Variants in POLR1B observed in about 807,000 individuals in gnomAD.
POLR1B encodes RNA polymerase I subunit B.
Under a neutral mutation model 105.8 loss-of-function variants are expected in POLR1B, and 30 were observed. That is an observed-to-expected ratio of 0.28 (90% CI 0.21 to 0.38). The LOEUF (loss-of-function observed/expected upper bound fraction) is 0.38. Among genes scored for constraint, POLR1B ranks in the 10% least tolerant of loss-of-function variants. The probability of loss-of-function intolerance (pLI) is 1.00; values close to 1 mark genes in which losing one functional copy is unlikely to be tolerated. For synonymous variants in POLR1B, 485 were observed against 505.1 expected (o/e 0.96, Z 0.53); for missense variants, 976 against 1,435.8 (o/e 0.68, Z 5.17).
At chr2:112,549,044 C>T (rs1329905384) in intron 3 of POLR1B, among the ~76,000 whole-genome samples, 1 of 152,140 alleles carries the variant, frequency 6.6e-6, no homozygotes, top group East Asian at 1.9e-4. Context: ...TGTTTTTCTT[C>T]CATACTTTTT....
chr2:112,558,081 G>A lies in POLR1B; in HGVS notation c.1330G>A (p.Gly444Ser). Residue 444 changes from glycine (G) to serine (S), a missense_variant and splice_region_variant, in exon 8 of 15, where the codon GGT (glycine) becomes AGT (serine). By Grantham distance (56) the Gly-to-Ser change is moderately conservative (BLOSUM62 0). Coordinates refer to ENST00000263331, the MANE Select transcript of POLR1B (RefSeq NM_019014.6). ...TACTGGGAATCTGCGTTCTAAAACAGGTAAAATTAAATCGATCGTTTTAGT... is the reference window on the plus strand; with the variant it reads ...TACTGGGAATCTGCGTTCTAAAACAAGTAAAATTAAATCGATCGTTTTAGT... ...FATGNLRSKT[G>S]LGLLQDSGLC... is the part of the protein sequence containing the mutation. 1 of 1,328,630 alleles carries A rather than the reference G, an allele frequency of 7.5e-7. No homozygotes were observed. The highest frequency in any genetic ancestry group is 9.7e-7 in the Non-Finnish European group (1 of 1,028,548). 82.3% of individuals were successfully genotyped at this position (1,328,630 alleles called of 1,614,324 possible).
intron 1 of POLR1B, 148 bp from the exon 2 acceptor site, chr2:112,546,864 A>G: frequency 1.2e-6 from 1 of 807,492 alleles, no homozygotes. Flanking sequence ...CGCCCGGCCA[A>G]CTGGAGGTAG....
intron 4 of POLR1B, among the ~76,000 whole-genome samples, chr2:112,550,521 C>T (rs1003802480): frequency 3.9e-5 from 6 of 152,098 alleles, no homozygotes; most frequent in African/African-American, 1.4e-4. Flanking sequence ...TTCTACTTTT[C>T]TCCATTGGAA....
chr2:112,568,237 TACA>T (rs1042199938), intron 11 of POLR1B, 100 bp downstream of exon 11: 1 of 1,197,710 alleles, frequency 8.3e-7, no homozygotes, highest in Non-Finnish European at 1.2e-6. Context: ...TTGTTAATGT[TACA>T]ACAACAGTTG....
At chr2:112,556,277 T>C (rs1005691681) in intron 7 of POLR1B, among the ~76,000 whole-genome samples, 3 of 152,216 alleles carry the variant, frequency 2.0e-5, no homozygotes, top group Non-Finnish European at 2.9e-5. Flanking sequence ...AATACCCTTG[T>C]TGGGTGAGCT....
intron 1 of POLR1B, among the ~76,000 whole-genome samples, chr2:112,543,656 G>C (rs1392544290): frequency 6.6e-6 from 1 of 152,108 alleles, no homozygotes; most frequent in African/African-American, 2.4e-5. Context: ...TTGCCAGTCT[G>C]ATTCTTGAAC....
At chr2:112,543,800 T>C (rs1348084651) in intron 1 of POLR1B, among the ~76,000 whole-genome samples, 3 of 152,104 alleles carry the variant, frequency 2.0e-5, no homozygotes, top group African/African-American at 7.2e-5. Flanking sequence ...TAAAAGTTAA[T>C]CGGGCTGGGT....
intron 9 of POLR1B, among the ~76,000 whole-genome samples, chr2:112,561,482 AT>A (rs1683981992): frequency 6.6e-6 from 1 of 150,410 alleles, no homozygotes; most frequent in Non-Finnish European, 1.5e-5. Flanking sequence ...TTTTTACTTA[AT>A]TTCAGTTGAT....
chr2:112,555,528 T>C (rs1683615007), intron 7 of POLR1B, among the ~76,000 whole-genome samples: 1 of 151,772 alleles, frequency 6.6e-6, no homozygotes, highest in African/African-American at 2.4e-5. Context: ...GGGCCACACC[T>C]GTGGTCCCAG....
intron 9 of POLR1B, among the ~76,000 whole-genome samples, chr2:112,563,876 G>A (rs1296657143): frequency 1.3e-5 from 2 of 152,096 alleles, no homozygotes; most frequent in Non-Finnish European, 2.9e-5. Context: ...CAGCCTGAGC[G>A]ACAGAGCAAG....
In POLR1B at chr2:112,542,638, C is replaced by T. The variant is rs1243934610; in HGVS notation, c.144C>T (p.Tyr48=). 1.2e-6 allele frequency: 2 copies of T among 1,613,978 alleles called. No individual in the cohort carries two copies. The highest frequency in any genetic ancestry group is 2.2e-5 in the South Asian group (2 of 91,086). Reference sequence around the variant, plus strand: ...GGGCGCACGTGGAGTCCTTCAACTACGCTGTGCACGAGGGTCTCGGCCTCG... The same window carrying T: ...GGGCGCACGTGGAGTCCTTCAACTATGCTGTGCACGAGGGTCTCGGCCTCG... ...LTRAHVESFN[Y]AVHEGLGLAV... The change falls in exon 1 of 15, where the codon TAC becomes TAT. Residue 48 remains tyrosine (Y), a synonymous_variant. Transcript: ENST00000263331.
chr2:112,548,756 G>T (rs1278891900), intron 3 of POLR1B, among the ~76,000 whole-genome samples: 1 of 152,112 alleles, frequency 6.6e-6, no homozygotes, highest in Non-Finnish European at 1.5e-5. Context: ...GGGACTACAG[G>T]CGCCCACTAC....
chr2:112,574,799 ATAAGT>A, intron 14 of POLR1B, 43 bp from the exon 15 acceptor site: 1 of 1,495,904 alleles, frequency 6.7e-7, no homozygotes, highest in African/African-American at 1.4e-5. Flanking sequence ...ACTTATCTCC[ATAAGT>A]TAAAACAAAT....
At position 112,572,723 on chromosome 2, in the gene POLR1B, AT is replaced by A; in HGVS notation, c.2239del (p.Ser747LeufsTer11). 6.2e-7 allele frequency: 1 copy of A among 1,610,414 alleles called. No homozygotes were observed. ...TGGGACCAATGCCATCGTTGCTGTG[AT>A]TTCTTACACTGGCTATGATATGGAA... ...PIGTNAIVAV[I>X]SYTGYDMEDA... On this transcript the variant is annotated frameshift_variant, in exon 13 of 15. Transcript: ENST00000263331. LOFTEE classifies it high-confidence loss of function.
intron 9 of POLR1B, among the ~76,000 whole-genome samples, chr2:112,560,152 A>T (rs2104544368): frequency 6.6e-6 from 1 of 152,006 alleles, no homozygotes; most frequent in South Asian, 2.1e-4. Flanking sequence ...GGAAGTGAGG[A>T]TCGCTTGAGC....
intron 9 of POLR1B, among the ~76,000 whole-genome samples, chr2:112,560,295 A>G (rs965770094): frequency 2.6e-5 from 4 of 152,106 alleles, no homozygotes; most frequent in African/African-American, 7.2e-5. Flanking sequence ...GAAATAGACT[A>G]GTCATTAATA....
chr2:112,543,650 C>T (rs1682881575), intron 1 of POLR1B, among the ~76,000 whole-genome samples: 1 of 151,954 alleles, frequency 6.6e-6, no homozygotes. Context: ...CTTTGATTGC[C>T]AGTCTGATTC....
At position 112,559,550 on chromosome 2, in the gene POLR1B, A is replaced by G; in HGVS notation, c.1588A>G (p.Ile530Val). The G allele has an allele frequency of 1.2e-6, 2 of 1,614,182 alleles. No homozygotes were observed. The highest frequency in any genetic ancestry group is 1.7e-6 in the Non-Finnish European group (2 of 1,180,002). Reference protein sequence around the residue: ...VVTQFVYTASIPALLCNLGVT... With the variant: ...VVTQFVYTASVPALLCNLGVT... ...CACACAGTTTGTGTATACGGCATCT[A>G]TTCCAGCTTTACTGTGCAACTTGGG... Residue 530 changes from isoleucine (I) to valine (V), a missense_variant, in exon 9 of 15, where the codon ATT becomes GTT. By Grantham distance (29) the Ile-to-Val change is conservative (BLOSUM62 3). Transcript: ENST00000263331.
At position 112,552,513 on chromosome 2, in the gene POLR1B, C is replaced by T. The variant is rs2104523044; in HGVS notation, c.987-132C>T. ...AGCACTTCAAATGTGGCCAGTGTAGCTCAAAAACTGAATGCTTAATTTTAT... is the reference window on the plus strand; with the variant it reads ...AGCACTTCAAATGTGGCCAGTGTAGTTCAAAAACTGAATGCTTAATTTTAT... On this transcript the variant is annotated intron_variant, in intron 6 of 14. Transcript: ENST00000263331. The T allele has an allele frequency of 3.0e-6, 3 of 990,302 alleles. No individual in the cohort carries two copies. In the East Asian group the frequency reaches 8.5e-5, roughly 28 times the overall value. The allele number at this position is 990,302 out of a possible 1,614,324, so 61.3% of individuals were successfully genotyped here.
Sources: allele counts gnomAD v4.1 joint callset (sites outside exome capture counted in the v4.1 genomes callset), GRCh38; gene constraint gnomAD v4.1.1; transcripts MANE v1.5; gene names NCBI Gene and HGNC (gene_info 2026-07-23, HGNC 2026-07-21).